CNNM2: variants seen among roughly 807,000 people sequenced by gnomAD.
CNNM2 encodes metal transporter CNNM2.
Under a neutral mutation model 66.9 loss-of-function variants are expected in CNNM2, and 12 were observed. That is an observed-to-expected ratio of 0.18 (90% CI 0.11 to 0.29). CNNM2 has a LOEUF of 0.29. Among genes scored for constraint, CNNM2 ranks in the 10% least tolerant of loss-of-function variants. CNNM2 has a pLI of 1.00. For missense variants in CNNM2, 705 were observed against 1,167.7 expected (o/e 0.60, Z 5.77); for synonymous variants, 557 against 501.8 (o/e 1.11, Z -1.47).
At chr10:103,024,273 CAATA>C (rs908595991) in intron 1 of CNNM2, among the ~76,000 whole-genome samples, 69 of 152,164 alleles carry the variant, frequency 4.5e-4, no homozygotes, top group African/African-American at 1.5e-3. Context: ...AGAAAATAGA[CAATA>C]AACCACAATA....
At chr10:102,960,490 A>T (rs960843912) in intron 1 of CNNM2, among the ~76,000 whole-genome samples, 8 of 152,130 alleles carry the variant, frequency 5.3e-5, no homozygotes, top group African/African-American at 1.9e-4. Context: ...TACTGTTGAC[A>T]TTTTGACATA....
chr10:102,942,847 A>G (rs917938931), intron 1 of CNNM2, among the ~76,000 whole-genome samples: 8 of 152,254 alleles, frequency 5.3e-5, no homozygotes, highest in African/African-American at 1.7e-4. Flanking sequence ...ACATTTATAA[A>G]GTTTTTAATA....
At chr10:103,040,700 G>C (rs1221143736) in intron 1 of CNNM2, among the ~76,000 whole-genome samples, 1 of 152,146 alleles carries the variant, frequency 6.6e-6, no homozygotes, top group African/African-American at 2.4e-5. Context: ...CAGGTGTGCA[G>C]ATAACAAGCT....
intron 1 of CNNM2, among the ~76,000 whole-genome samples, chr10:103,014,443 C>T (rs1297429586): frequency 6.6e-6 from 1 of 152,142 alleles, no homozygotes; most frequent in Non-Finnish European, 1.5e-5. Flanking sequence ...CAAATGGAGA[C>T]CCTGAGGCAC....
chr10:102,984,770 C>T (rs1262758893), intron 1 of CNNM2, among the ~76,000 whole-genome samples: 1 of 152,082 alleles, frequency 6.6e-6, no homozygotes, highest in African/African-American at 2.4e-5. Flanking sequence ...AGTGATTCTC[C>T]CAAGTAGCTG....
rs187023602 is a variant in CNNM2 at position 103,059,513 on chromosome 10, A to G, written c.2073+2549A>G. 9.1e-4 allele frequency among the ~76,000 whole-genome samples: 138 copies of G among 152,336 alleles called. 1 individual carries two copies. The highest frequency in any genetic ancestry group is 3.4e-3 in the Middle Eastern group (1 of 294). Reference sequence around the variant, plus strand: ...GAGTATTTTGTAAGTTACCATGTACATACCTCCCACTACATATGCATAAAA... The same window carrying G: ...GAGTATTTTGTAAGTTACCATGTACGTACCTCCCACTACATATGCATAAAA... On this transcript the variant is annotated intron_variant, in intron 4 of 7. Coordinates refer to ENST00000369878, the MANE Select transcript of CNNM2 (RefSeq NM_017649.5).
intron 1 of CNNM2, among the ~76,000 whole-genome samples, chr10:102,945,390 C>G (rs1449092768): frequency 1.3e-5 from 2 of 151,988 alleles, no homozygotes; most frequent in Non-Finnish European, 2.9e-5. Context: ...CTTAGTGACC[C>G]CTAACCAATA....
chr10:103,058,346 G>A (rs1427105171), intron 4 of CNNM2, among the ~76,000 whole-genome samples: 2 of 152,134 alleles, frequency 1.3e-5, no homozygotes, highest in South Asian at 2.1e-4. Flanking sequence ...AGTGAGATGC[G>A]AATATTCCTT....
chr10:103,087,140 ATTTTTTTTTTTTTTTTTTTTTT>A lies in CNNM2; in HGVS notation c.*9971_*9992del, dbSNP rs71019655. On this transcript the variant is annotated 3_prime_UTR_variant, in exon 8 of 8. Coordinates refer to ENST00000369878, the MANE Select transcript of CNNM2 (RefSeq NM_017649.5). ...TTCTCACGGTATAAAACTCCGCAGG[ATTTTTTTTTTTTTTTTTTTTTT>A]TTTTTTTTTTAAGGAAAAAAGTATA... The A allele has an allele frequency of 3.5e-3, 261 of 75,400 alleles. 4 individuals are homozygous for A. Among genetic ancestry groups the A allele is most frequent in the African/African-American group, 0.013 (228 of 17,316 alleles). 4.7% of individuals were successfully genotyped at this position (75,400 alleles called of 1,614,324 possible).
rs149904239 is a variant in CNNM2 at position 102,936,967 on chromosome 10, A to G, written c.1621+16866A>G. On this transcript the variant is annotated intron_variant, in intron 1 of 7. Coordinates refer to ENST00000369878, the MANE Select transcript of CNNM2 (RefSeq NM_017649.5). ...TTGGAGAATGTGGAATATTTTATCT[A>G]TAGTGCAGCTGTGCTGTCATTTATG... Among the ~76,000 whole-genome samples, 113 of 152,340 alleles carry G rather than the reference A, an allele frequency of 7.4e-4. 1 individual carries two copies. The East Asian group carries it at 0.019, about 26-fold the overall frequency.
chr10:103,039,282 G>A (rs1489489088), intron 1 of CNNM2, among the ~76,000 whole-genome samples: 1 of 152,030 alleles, frequency 6.6e-6, no homozygotes, highest in East Asian at 1.9e-4. Context: ...GACTACAGGA[G>A]TGCACCACCA....
chr10:103,044,902 C>T (rs747081853), intron 1 of CNNM2, among the ~76,000 whole-genome samples: 4 of 152,344 alleles, frequency 2.6e-5, no homozygotes, highest in South Asian at 2.1e-4. Flanking sequence ...CCAGCCAAAT[C>T]TGTCGGTGCT....
intron 4 of CNNM2, among the ~76,000 whole-genome samples, chr10:103,064,631 G>T (rs1022297021): frequency 6.6e-6 from 1 of 152,166 alleles, no homozygotes; most frequent in African/African-American, 2.4e-5. Flanking sequence ...GATCAGCCAG[G>T]AGTTCAAGAC....
chr10:102,931,380 C>T (rs1486699131), intron 1 of CNNM2, among the ~76,000 whole-genome samples: 2 of 128,232 alleles, frequency 1.6e-5, no homozygotes, highest in Non-Finnish European at 3.2e-5. Flanking sequence ...TTTTTCGAGA[C>T]AGTTTCACTC....
At chr10:103,025,079 T>C (rs2064673434) in intron 1 of CNNM2, among the ~76,000 whole-genome samples, 1 of 152,048 alleles carries the variant, frequency 6.6e-6, no homozygotes, top group Admixed American at 6.6e-5. Context: ...TTGGCTCCGT[T>C]CTATTTTATT....
intron 1 of CNNM2, among the ~76,000 whole-genome samples, chr10:103,030,926 A>G (rs970654401): frequency 1.3e-5 from 2 of 152,200 alleles, no homozygotes; most frequent in African/African-American, 4.8e-5. Flanking sequence ...AGTTTTGGAC[A>G]TGTTGAACTT....
At chr10:103,023,070 T>C (rs772386736) in intron 1 of CNNM2, among the ~76,000 whole-genome samples, 1 of 152,102 alleles carries the variant, frequency 6.6e-6, no homozygotes, top group African/African-American at 2.4e-5. Flanking sequence ...ACTCGGCTAA[T>C]TTTTTGTATT....
chr10:103,052,828 G>A (rs541131570), intron 2 of CNNM2, among the ~76,000 whole-genome samples: 1 of 152,254 alleles, frequency 6.6e-6, no homozygotes, highest in African/African-American at 2.4e-5. Flanking sequence ...GTATATTCTT[G>A]ATCTGGATAG....
intron 1 of CNNM2, among the ~76,000 whole-genome samples, chr10:103,047,707 G>A (rs2065149368): frequency 6.6e-6 from 1 of 152,148 alleles, no homozygotes; most frequent in African/African-American, 2.4e-5. Flanking sequence ...AATGGATTGT[G>A]TACTCGTGCA....
Sources: allele counts gnomAD v4.1 joint callset (sites outside exome capture counted in the v4.1 genomes callset), GRCh38; gene constraint gnomAD v4.1.1; transcripts MANE v1.5; gene names NCBI Gene and HGNC (gene_info 2026-07-23, HGNC 2026-07-21).